The following HTR1F variants were observed in gnomAD, a reference collection of about 807,000 sequenced individuals.
HTR1F encodes the protein 5-hydroxytryptamine (serotonin) receptor 1F, G protein-coupled.
A neutral mutation model predicts 24.0 loss-of-function variants in HTR1F; 17 were observed. The observed-to-expected ratio is 0.71, with a 90% confidence interval of 0.48 to 1.06. The LOEUF (loss-of-function observed/expected upper bound fraction) is 1.06, where lower values mean the gene tolerates loss of function less well. Among genes scored for constraint, HTR1F ranks in the 50% least tolerant of loss-of-function variants. The probability of loss-of-function intolerance (pLI) is 0.00; values close to 1 mark genes in which losing one functional copy is unlikely to be tolerated. For missense variants in HTR1F, 391 were observed against 427.8 expected (o/e 0.91, Z 0.76); for synonymous variants, 186 against 156.8 (o/e 1.19, Z -1.39).
intron 2 of HTR1F, among the ~76,000 whole-genome samples, chr3:87,896,567 A>G (rs1706203257): frequency 6.6e-6 from 1 of 152,218 alleles, no homozygotes; most frequent in Non-Finnish European, 1.5e-5. Context: ...AAATAAACAA[A>G]TGAGACAACA....
At chr3:87,860,774 A>C (rs1705300949) in intron 2 of HTR1F, among the ~76,000 whole-genome samples, 1 of 152,208 alleles carries the variant, frequency 6.6e-6, no homozygotes, top group African/African-American at 2.4e-5. Context: ...TGTGTTCAGA[A>C]ATCCTTAGAC....
intron 2 of HTR1F, among the ~76,000 whole-genome samples, chr3:87,952,834 A>G (rs1704863347): frequency 6.9e-6 from 1 of 144,498 alleles, no homozygotes; most frequent in Non-Finnish European, 1.5e-5. Context: ...AGCTACTTCT[A>G]TGCCTTTTTA....
At chr3:87,822,548 T>A (rs1704380314) in intron 2 of HTR1F, among the ~76,000 whole-genome samples, 1 of 152,244 alleles carries the variant, frequency 6.6e-6, no homozygotes, top group Non-Finnish European at 1.5e-5. Context: ...ATGTTTTCTT[T>A]TATATAATTT....
At chr3:87,949,553 A>G (rs1329200312) in intron 2 of HTR1F, among the ~76,000 whole-genome samples, 1 of 152,164 alleles carries the variant, frequency 6.6e-6, no homozygotes, top group East Asian at 1.9e-4. Flanking sequence ...AAAAGCCACA[A>G]TTATCTCTCT....
intron 2 of HTR1F, among the ~76,000 whole-genome samples, chr3:87,927,486 T>C (rs187171709): frequency 6.6e-6 from 1 of 152,154 alleles, no homozygotes; most frequent in African/African-American, 2.4e-5. Flanking sequence ...CAGGCTTCAA[T>C]TGATCTCTAC....
chr3:87,935,453 T>C (rs1326333515), intron 2 of HTR1F, among the ~76,000 whole-genome samples: 1 of 152,092 alleles, frequency 6.6e-6, no homozygotes, highest in Non-Finnish European at 1.5e-5. Context: ...AGGGTGAGGC[T>C]TCTGCAAGTG....
intron 2 of HTR1F, among the ~76,000 whole-genome samples, chr3:87,933,554 C>G (rs1265850745): frequency 6.7e-6 from 1 of 149,444 alleles, no homozygotes. Context: ...TTATTATACA[C>G]CAATAACAGA....
intron 2 of HTR1F, among the ~76,000 whole-genome samples, chr3:87,877,478 A>G (rs1485150415): frequency 6.6e-6 from 1 of 152,148 alleles, no homozygotes; most frequent in Non-Finnish European, 1.5e-5. Flanking sequence ...AAATTACTTA[A>G]GAAATTATCA....
At chr3:87,939,516 G>A (rs1239572244) in intron 2 of HTR1F, among the ~76,000 whole-genome samples, 4 of 152,036 alleles carry the variant, frequency 2.6e-5, no homozygotes, top group Non-Finnish European at 5.9e-5. Flanking sequence ...GCTTTTTTTG[G>A]TTGGTAGGCT....
chr3:87,962,960 A>C (rs2915280), intron 2 of HTR1F, among the ~76,000 whole-genome samples: 1 of 151,586 alleles, frequency 6.6e-6, no homozygotes, highest in Non-Finnish European at 1.5e-5. Context: ...AAAATTATGT[A>C]TTTTTTTTAC....
At chr3:87,898,073 T>C (rs964169853) in intron 2 of HTR1F, among the ~76,000 whole-genome samples, 1 of 151,880 alleles carries the variant, frequency 6.6e-6, no homozygotes, top group Non-Finnish European at 1.5e-5. Context: ...GGATGAAAAA[T>C]AGATGCATGT....
chr3:87,948,859 G>C (rs927427849), intron 2 of HTR1F, among the ~76,000 whole-genome samples: 1 of 152,116 alleles, frequency 6.6e-6, no homozygotes, highest in Non-Finnish European at 1.5e-5. Flanking sequence ...TGCCATGTTT[G>C]TAGTACCAAT....
intron 2 of HTR1F, among the ~76,000 whole-genome samples, chr3:87,847,309 A>G (rs1218812141): frequency 1.3e-5 from 2 of 151,906 alleles, no homozygotes; most frequent in Non-Finnish European, 2.9e-5. Flanking sequence ...TTGACAATAT[A>G]TATCAATTAC....
intron 2 of HTR1F, among the ~76,000 whole-genome samples, chr3:87,958,020 CT>C (rs954205238): frequency 5.3e-5 from 8 of 151,278 alleles, no homozygotes; most frequent in African/African-American, 1.9e-4. Flanking sequence ...AAAATAAGCT[CT>C]AAATCCCCTC....
intron 2 of HTR1F, among the ~76,000 whole-genome samples, chr3:87,899,210 T>C (rs1377385013): frequency 6.6e-6 from 1 of 152,212 alleles, no homozygotes; most frequent in African/African-American, 2.4e-5. Flanking sequence ...CCAAAGCAAC[T>C]GATATCCTCA....
intron 2 of HTR1F, among the ~76,000 whole-genome samples, chr3:87,955,829 ATCTTC>A (rs1704931757): frequency 6.6e-6 from 1 of 151,458 alleles, no homozygotes; most frequent in Non-Finnish European, 1.5e-5. Flanking sequence ...CTATTCAAAT[ATCTTC>A]TTTTGTGAGG....
At chr3:87,917,934 C>A (rs894827269) in intron 2 of HTR1F, among the ~76,000 whole-genome samples, 3 of 151,956 alleles carry the variant, frequency 2.0e-5, no homozygotes, top group Non-Finnish European at 2.9e-5. Flanking sequence ...AAATTACAGA[C>A]CAATATCCCT....
chr3:87,992,210 C>G lies in HTR1F; in HGVS notation c.*360C>G, dbSNP rs530334384. Reference sequence around the variant, plus strand: ...AGTTTTCAATTAACAACATACCTCCCTCCATAATTTCTATCTAGTCCTACT... The same window carrying G: ...AGTTTTCAATTAACAACATACCTCCGTCCATAATTTCTATCTAGTCCTACT... On this transcript the variant is annotated 3_prime_UTR_variant, in exon 3 of 3. Coordinates refer to ENST00000319595, the MANE Select transcript of HTR1F (RefSeq NM_001322209.2). 5.9e-6 allele frequency: 1 copy of G among 168,782 alleles called. No homozygotes were observed. Among genetic ancestry groups the G allele is most frequent in the African/African-American group, 2.4e-5 (1 of 41,590 alleles). The allele number at this position is 168,782 out of a possible 1,614,324, so 10.5% of individuals were successfully genotyped here.
intron 2 of HTR1F, among the ~76,000 whole-genome samples, chr3:87,862,505 A>T (rs1259797522): frequency 6.6e-6 from 1 of 152,138 alleles, no homozygotes; most frequent in Non-Finnish European, 1.5e-5. Context: ...TTTATTTTGT[A>T]TTCTTTCTGT....
Sources: allele counts gnomAD v4.1 joint callset (sites outside exome capture counted in the v4.1 genomes callset), GRCh38; gene constraint gnomAD v4.1.1; transcripts MANE v1.5; gene names NCBI Gene and HGNC (gene_info 2026-07-23, HGNC 2026-07-21).